The following TAFA2 variants were observed in gnomAD, a reference collection of about 807,000 sequenced individuals.
TAFA2 encodes TAFA chemokine like family member 2.
In TAFA2, 7 loss-of-function variants were observed where a neutral mutation model predicts 18.8. The observed-to-expected ratio is 0.37, with a 90% CI of 0.21 to 0.70. The LOEUF (loss-of-function observed/expected upper bound fraction) is 0.70. Among genes scored for constraint, TAFA2 ranks in the 30% least tolerant of loss-of-function variants. The pLI is 0.53. For synonymous variants in TAFA2, 60 were observed against 54.2 expected (o/e 1.11, Z -0.47); for missense variants, 122 against 158.1 (o/e 0.77, Z 1.23).
At chr12:62,077,611 A>G (rs1317868741) in intron 1 of TAFA2, among the ~76,000 whole-genome samples, 1 of 152,212 alleles carries the variant, frequency 6.6e-6, no homozygotes, top group Non-Finnish European at 1.5e-5. Flanking sequence ...AATAAATTTT[A>G]TAAAGACATC....
intron 1 of TAFA2, chr12:62,235,089 AC>A: frequency 3.2e-6 from 2 of 624,986 alleles, no homozygotes; most frequent in South Asian, 2.8e-5. Flanking sequence ...GGCCCTGGCC[AC>A]CTTTGGAGTA....
At chr12:62,051,628 G>C (rs939763101) in intron 1 of TAFA2, among the ~76,000 whole-genome samples, 1 of 151,744 alleles carries the variant, frequency 6.6e-6, no homozygotes, top group African/African-American at 2.4e-5. Context: ...CCCACAGTGA[G>C]CCAGGCACTA....
At chr12:61,879,488 C>T in intron 1 of TAFA2, 1 of 692,228 alleles carries the variant, frequency 1.4e-6, no homozygotes, top group South Asian at 1.5e-5. Context: ...TTTGGCGGGG[C>T]CAGCGGTATT....
chr12:61,975,715 C>T (rs1879408864), intron 1 of TAFA2, among the ~76,000 whole-genome samples: 1 of 151,726 alleles, frequency 6.6e-6, no homozygotes, highest in African/African-American at 2.4e-5. Flanking sequence ...TCAACAGGGA[C>T]CCATCTGATG....
chr12:61,841,217 T>C (rs1162400145), intron 2 of TAFA2, among the ~76,000 whole-genome samples: 1 of 152,032 alleles, frequency 6.6e-6, no homozygotes, highest in Non-Finnish European at 1.5e-5. Context: ...ACAGCTGTAT[T>C]ATATTATGTC....
intron 1 of TAFA2, among the ~76,000 whole-genome samples, chr12:62,038,140 A>G (rs1881659266): frequency 6.6e-6 from 1 of 152,194 alleles, no homozygotes; most frequent in African/African-American, 2.4e-5. Flanking sequence ...CAGACAAAGT[A>G]GCAGATGTAT....
intron 1 of TAFA2, among the ~76,000 whole-genome samples, chr12:61,982,281 G>T (rs1879660574): frequency 6.6e-6 from 1 of 152,034 alleles, no homozygotes; most frequent in Non-Finnish European, 1.5e-5. Context: ...ACACACCAGG[G>T]CCTGTCGTGG....
intron 1 of TAFA2, among the ~76,000 whole-genome samples, chr12:62,112,173 G>T (rs1869762881): frequency 6.6e-6 from 1 of 152,166 alleles, no homozygotes; most frequent in African/African-American, 2.4e-5. Flanking sequence ...GCTCTTGTAA[G>T]GCAGGTCTGG....
At chr12:61,905,874 C>A (rs892156865) in intron 1 of TAFA2, among the ~76,000 whole-genome samples, 2 of 152,192 alleles carry the variant, frequency 1.3e-5, no homozygotes, top group African/African-American at 4.8e-5. Flanking sequence ...CACACAGACA[C>A]ACTCACACAC....
intron 2 of TAFA2, among the ~76,000 whole-genome samples, chr12:61,777,215 A>T (rs954052651): frequency 6.6e-6 from 1 of 151,914 alleles, no homozygotes; most frequent in African/African-American, 2.4e-5. Context: ...TAGTGGTTAC[A>T]ACAGGAAATC....
At chr12:61,858,388 T>A (rs1292989231) in intron 2 of TAFA2, among the ~76,000 whole-genome samples, 1 of 152,204 alleles carries the variant, frequency 6.6e-6, no homozygotes, top group Non-Finnish European at 1.5e-5. Flanking sequence ...CCCAAAATTC[T>A]CATTTGTACT....
chr12:61,900,539 GA>G (rs1441048671), intron 1 of TAFA2, among the ~76,000 whole-genome samples: 3 of 152,158 alleles, frequency 2.0e-5, no homozygotes, highest in African/African-American at 4.8e-5. Context: ...TACTGGAGGG[GA>G]AAGCAAACAC....
chr12:62,007,629 G>C (rs1880599678), intron 1 of TAFA2, among the ~76,000 whole-genome samples: 1 of 151,998 alleles, frequency 6.6e-6, no homozygotes, highest in Admixed American at 6.5e-5. Flanking sequence ...AGCTCATCTT[G>C]AAAAAACAGA....
chr12:62,034,114 A>G (rs996618030), intron 1 of TAFA2, among the ~76,000 whole-genome samples: 6 of 152,116 alleles, frequency 3.9e-5, no homozygotes, highest in Non-Finnish European at 7.4e-5. Flanking sequence ...ACATCCAGTT[A>G]ACACGTAAAT....
rs1565651335 is a variant in TAFA2 at position 61,837,071 on chromosome 12, G to GTTTTT, written c.106+30248_106+30249insAAAAA. On this transcript the variant is annotated intron_variant, in intron 2 of 4. Transcript: ENST00000416284. ...TTTTAATTTTCACATTAAAACTTCA[G>GTTTTT]AAAGTTTTTAATTTTTATTTTTATA... Among the ~76,000 whole-genome samples the GTTTTT allele has an allele frequency of 3.3e-5, 5 of 151,482 alleles. No homozygotes were observed. In the South Asian group the frequency reaches 8.3e-4, roughly 25 times the overall value.
At chr12:61,749,140 G>A (rs952927229) in intron 4 of TAFA2, among the ~76,000 whole-genome samples, 16 of 151,886 alleles carry the variant, frequency 1.1e-4, no homozygotes, top group African/African-American at 3.9e-4. Context: ...GGGTGTGGTG[G>A]GGCATGCCAG....
intron 1 of TAFA2, among the ~76,000 whole-genome samples, chr12:62,028,384 T>C (rs921894987): frequency 6.6e-6 from 1 of 152,098 alleles, no homozygotes; most frequent in African/African-American, 2.4e-5. Context: ...TCTTTATCCT[T>C]TGCACTTCTC....
At chr12:62,059,954 T>C (rs1050640012) in intron 1 of TAFA2, among the ~76,000 whole-genome samples, 3 of 152,206 alleles carry the variant, frequency 2.0e-5, no homozygotes, top group African/African-American at 7.2e-5. Flanking sequence ...GTATCTCAAG[T>C]TTTTGAGGAT....
chr12:62,040,142 C>A (rs908696150), intron 1 of TAFA2, among the ~76,000 whole-genome samples: 2 of 152,048 alleles, frequency 1.3e-5, no homozygotes, highest in African/African-American at 4.8e-5. Flanking sequence ...GTGAAATAGC[C>A]AGGGTCCAAT....
Sources: allele counts gnomAD v4.1 joint callset (sites outside exome capture counted in the v4.1 genomes callset), GRCh38; gene constraint gnomAD v4.1.1; transcripts MANE v1.5; gene names NCBI Gene and HGNC (gene_info 2026-07-23, HGNC 2026-07-21).